The following CHKB variants were observed in gnomAD, a reference collection of about 807,000 sequenced individuals.
The protein encoded by CHKB is choline kinase beta.
CHKB carries 45 observed loss-of-function variants against 57.3 expected under a neutral mutation model. That is an observed-to-expected ratio of 0.79 (90% CI 0.62 to 1.01). The LOEUF (loss-of-function observed/expected upper bound fraction) is 1.01. Among genes scored for constraint, CHKB ranks in the 50% least tolerant of loss-of-function variants. The pLI, the probability that CHKB is intolerant of heterozygous loss-of-function variation, is 0.00. For synonymous variants in CHKB, 224 were observed against 201.8 expected, an observed-to-expected ratio of 1.11 and a Z score of -0.93; for missense variants, 517 against 502.8, an observed-to-expected ratio of 1.03 and a Z score of -0.27.
chr22:50,582,425 C>T (rs1021559166), intron 1 of CHKB, 68 bp from the exon 2 acceptor site: 1 of 1,454,326 alleles, frequency 6.9e-7, no homozygotes. Context: ...GGCCCCCTCC[C>T]GGCCAGGCCG....
chr22:50,579,654 T>C, intron 9 of CHKB, 73 bp downstream of exon 9: 1 of 1,512,556 alleles, frequency 6.6e-7, no homozygotes, highest in South Asian at 1.1e-5. Flanking sequence ...CCCTGCAGCT[T>C]GATAAATCTG....
Position 50,582,569 on chromosome 22 carries a change from A to G in CHKB, c.213T>C (p.Val71=). 6.2e-7 allele frequency: 1 copy of G among 1,609,208 alleles called. No individual in the cohort carries two copies. Among genetic ancestry groups the G allele is most frequent in the Non-Finnish European group, 8.5e-7 (1 of 1,178,442 alleles). The change falls in exon 1 of 11, where the codon GTT becomes GTC. Residue 71 remains valine (V), a synonymous_variant. Coordinates refer to ENST00000406938, the MANE Select transcript of CHKB (RefSeq NM_005198.5). ...CCCTGACCTCCCACCTCACGGGGTAAACCCTCAGCTCCTCGGGCTGCACTC... is the reference window on the plus strand; with the variant it reads ...CCCTGACCTCCCACCTCACGGGGTAGACCCTCAGCTCCTCGGGCTGCACTC... The part of the protein sequence containing the change: ...WRRVQPEELR[V]YPVSGGLSNL...
Position 50,582,242 on chromosome 22 carries a change from C to T in CHKB, c.333+7G>A. ...CACTGGTGCTGCGGCGCTCACACCC[C>T]CCTCACCTGCAAGATGGCTCCGTAC... On this transcript the variant is annotated splice_region_variant and intron_variant, in intron 2 of 10. Transcript: ENST00000406938. 6.3e-7 allele frequency: 1 copy of T among 1,579,752 alleles called. No individual in the cohort carries two copies. Among genetic ancestry groups the T allele is most frequent in the Non-Finnish European group, 8.6e-7 (1 of 1,164,778 alleles).
In CHKB at chr22:50,580,407, T is replaced by C. The variant is rs754693809; in HGVS notation, c.687A>G (p.Leu229=). The change falls in exon 6 of 11, where the codon CTA becomes CTG. Residue 229 remains leucine, a synonymous_variant. Coordinates refer to ENST00000406938, the MANE Select transcript of CHKB (RefSeq NM_005198.5). ...KDEMGNLRKL[L]ESTPSPVVFC... Reference sequence around the variant, plus strand: ...AGACGACTGGCGATGGGGTAGACTCTAGTAACTTCCTACAGGGGTATGGGA... The same window carrying C: ...AGACGACTGGCGATGGGGTAGACTCCAGTAACTTCCTACAGGGGTATGGGA... 5.6e-5 allele frequency: 91 copies of C among 1,613,874 alleles called. No individual in the cohort carries two copies. The highest frequency in any genetic ancestry group is 1.8e-4 in the Admixed American group (11 of 60,008).
chr22:50,581,581 G>A (rs373931091), intron 3 of CHKB, 28 bp from the exon 4 acceptor site: 8 of 1,613,772 alleles, frequency 5.0e-6, no homozygotes, highest in Admixed American at 3.3e-5. Flanking sequence ...TCAGGGTGGT[G>A]ATGGGGCTGG....
chr22:50,582,573 C>G lies in CHKB; in HGVS notation c.209G>C (p.Arg70Thr), dbSNP rs749686701. 7.5e-6 allele frequency: 12 copies of G among 1,609,888 alleles called. No homozygotes were observed. The highest frequency in any genetic ancestry group is 1.0e-5 in the Non-Finnish European group (12 of 1,178,676). The change falls in exon 1 of 11, where the codon AGG becomes ACG. Residue 70 changes from arginine (R) to threonine (T), a missense_variant. Physicochemically the swap from Arg to Thr is moderately conservative, Grantham distance 71. Coordinates refer to ENST00000406938, the MANE Select transcript of CHKB (RefSeq NM_005198.5). ...AWRRVQPEEL[R>T]VYPVSGGLSN... ...GACCTCCCACCTCACGGGGTAAACCCTCAGCTCCTCGGGCTGCACTCGGCG... is the reference window on the plus strand; with the variant it reads ...GACCTCCCACCTCACGGGGTAAACCGTCAGCTCCTCGGGCTGCACTCGGCG...
Position 50,582,662 on chromosome 22 carries a change from C to T in CHKB, c.120G>A (p.Ser40=), listed in dbSNP as rs1367743295. Residue 40 remains serine, a synonymous_variant, in exon 1 of 11, where the codon TCG becomes TCA. Coordinates refer to ENST00000406938, the MANE Select transcript of CHKB (RefSeq NM_005198.5). The part of the protein sequence containing the change: ...DTTPKRRRAS[S]LSRDAERRAY... ...CTCGGCGCTCGGCGTCACGCGACAG[C>T]GACGAGGCGCGCCGCCGTTTTGGGG... 1.9e-6 allele frequency: 3 copies of T among 1,608,746 alleles called. No homozygotes were observed. The highest frequency in any genetic ancestry group is 2.5e-6 in the Non-Finnish European group (3 of 1,178,608).
rs1341848001 is a variant in CHKB at position 50,581,445 on chromosome 22, G to A, written c.556C>T (p.His186Tyr). 4 of 1,613,682 alleles carry A rather than the reference G, an allele frequency of 2.5e-6. No individual in the cohort carries two copies. The highest frequency in any genetic ancestry group is 1.7e-4 in the Middle Eastern group (1 of 6,058). Residue 186 changes from histidine (H) to tyrosine (Y), a missense_variant, in exon 4 of 11, where the codon CAC becomes TAC. Transcript: ENST00000406938. Reference sequence around the variant, plus strand: ...CGCTCCATGGTCCCAAACAGCCAGTGGGGCTCCTTGGTGAAAGGCATCTCC... The same window carrying A: ...CGCTCCATGGTCCCAAACAGCCAGTAGGGCTCCTTGGTGAAAGGCATCTCC... ...GMEMPFTKEP[H>Y]WLFGTMERYL... is the part of the protein sequence containing the mutation.
intron 3 of CHKB, 58 bp downstream of exon 3, chr22:50,581,691 G>T: frequency 6.3e-7 from 1 of 1,582,254 alleles, no homozygotes; most frequent in Non-Finnish European, 8.7e-7. Context: ...TTGGGCACTG[G>T]GGTAGGGTTA....
intron 5 of CHKB, 28 bp from the exon 6 acceptor site, chr22:50,580,444 G>A (rs1227037638): frequency 6.2e-7 from 1 of 1,613,552 alleles, no homozygotes; most frequent in South Asian, 1.1e-5. Flanking sequence ...CATGGGTCCT[G>A]AGCAGGAGTG....
Position 50,582,230 on chromosome 22 carries a change from G to A in CHKB, c.333+19C>T. 3 of 1,561,732 alleles carry A rather than the reference G, an allele frequency of 1.9e-6. No individual in the cohort carries two copies. Among genetic ancestry groups the A allele is most frequent in the South Asian group, 1.2e-5 (1 of 84,992 alleles). The stretch of plus-strand genomic sequence containing the variant: ...AGGCCCTAAAGCCACTGGTGCTGCG[G>A]CGCTCACACCCCCCTCACCTGCAAG... On this transcript the variant is annotated intron_variant, in intron 2 of 10. Coordinates refer to ENST00000406938, the MANE Select transcript of CHKB (RefSeq NM_005198.5).
chr22:50,582,806 G>A lies in CHKB; in HGVS notation c.-25C>T, dbSNP rs755323491. 5 of 1,538,054 alleles carry A rather than the reference G, an allele frequency of 3.3e-6. No individual in the cohort carries two copies. The Middle Eastern group carries it at 6.2e-4, about 190-fold the overall frequency. Reference sequence around the variant, plus strand: ...TGGCGCGGGCTCGACCGGGCCCCAGGCCAGGCTGCGCTCCGCTCCCTTCGG... The same window carrying A: ...TGGCGCGGGCTCGACCGGGCCCCAGACCAGGCTGCGCTCCGCTCCCTTCGG... On this transcript the variant is annotated 5_prime_UTR_variant, in exon 1 of 11. Transcript: ENST00000406938.
intron 10 of CHKB, 83 bp downstream of exon 10, chr22:50,579,343 G>A (rs1230684718): frequency 1.4e-5 from 22 of 1,578,026 alleles, no homozygotes; most frequent in Admixed American, 1.8e-5. Context: ...AGCCACCCGG[G>A]ACTCCCCAGG....
intron 2 of CHKB, 114 bp downstream of exon 2, chr22:50,582,135 A>C: frequency 1.0e-6 from 1 of 983,640 alleles, no homozygotes; most frequent in Non-Finnish European, 1.6e-6. Context: ...ATGAGGTGTT[A>C]CTCAGACCGT....
intron 1 of CHKB, 62 bp from the exon 2 acceptor site, chr22:50,582,419 C>T (rs1484832249): frequency 1.3e-5 from 19 of 1,466,390 alleles, no homozygotes; most frequent in Admixed American, 2.4e-5. Context: ...GGCCCCGGCC[C>T]CCTCCCGGCC....
chr22:50,579,760 T>G lies in CHKB; in HGVS notation c.998A>C (p.Lys333Thr). The G allele has an allele frequency of 6.2e-7, 1 of 1,614,108 alleles. No individual in the cohort carries two copies. The highest frequency in any genetic ancestry group is 2.2e-5 in the East Asian group (1 of 44,884). Residue 333 changes from lysine (K) to threonine (T), a missense_variant, in exon 9 of 11, where the codon AAA (lysine) becomes ACA (threonine). By Grantham distance (78) the Lys-to-Thr change is moderately conservative (BLOSUM62 -1). Transcript: ENST00000406938. ...TTCTACCAGCAAATCTTCTTCCAGT[T>G]TTCTCTGCTCCTCTTGGGAGAGGGT... Reference protein sequence around the residue: ...GETLSQEEQRKLEEDLLVEVS... With the variant: ...GETLSQEEQRTLEEDLLVEVS...
In CHKB at chr22:50,581,491, C is replaced by T. The variant is rs773378651; in HGVS notation, c.510G>A (p.Lys170=). The T allele has an allele frequency of 6.2e-7, 1 of 1,613,992 alleles. No homozygotes were observed. The highest frequency in any genetic ancestry group is 1.1e-5 in the South Asian group (1 of 91,088). Residue 170 remains lysine, a synonymous_variant, in exon 4 of 11, where the codon AAG becomes AAA. Coordinates refer to ENST00000406938, the MANE Select transcript of CHKB (RefSeq NM_005198.5). ...EPVLSAAIAT[K]MAQFHGMEMP... is the part of the protein sequence containing the mutation. Reference sequence around the variant, plus strand: ...TCTCCATGCCATGAAATTGCGCCATCTTCGTGGCAATGGCTGCTGACAACA... The same window carrying T: ...TCTCCATGCCATGAAATTGCGCCATTTTCGTGGCAATGGCTGCTGACAACA...
intron 2 of CHKB, 181 bp from the exon 3 acceptor site, chr22:50,582,043 TG>T: frequency 1.3e-6 from 1 of 770,004 alleles, no homozygotes; most frequent in Non-Finnish European, 2.3e-6. Context: ...TTGTCCAGGC[TG>T]GTCTCGAACT....
rs980683552 is a variant in CHKB, at chr22:50,579,196, G to A, written c.1173C>T (p.Val391=). ...YFQQKGQLTS[V]HSSS ...GAGGGTGGAGTCAGGATGAGGAGTG[G>A]ACACTGGTCAGCTGCCCCTTCTGCT... The change falls in exon 11 of 11, where the codon GTC becomes GTT. Residue 391 remains valine (V), a synonymous_variant. Coordinates refer to ENST00000406938, the MANE Select transcript of CHKB (RefSeq NM_005198.5). The A allele has an allele frequency of 1.2e-5, 19 of 1,613,650 alleles. No homozygotes were observed. Among genetic ancestry groups the A allele is most frequent in the African/African-American group, 1.3e-5 (1 of 74,912 alleles).
Sources: allele counts gnomAD v4.1 joint callset, GRCh38; gene constraint gnomAD v4.1.1; transcripts MANE v1.5; gene names NCBI Gene and HGNC (gene_info 2026-07-23, HGNC 2026-07-21).